Variants in PNPLA7 observed in about 807,000 individuals in gnomAD.
The protein encoded by PNPLA7 is patatin like domain 7, lysophospholipase, also known as patatin-like phospholipase domain-containing protein 7.
PNPLA7 carries 153 observed loss-of-function variants against 161.7 expected under a neutral mutation model. That is an observed-to-expected ratio of 0.95 (90% confidence interval 0.83 to 1.08). The LOEUF is 1.08. Ranked by LOEUF, PNPLA7 falls within the 50% of genes least tolerant of loss-of-function variation. The pLI is 0.00. For synonymous variants in PNPLA7, 809 were observed against 782.1 expected (o/e 1.03, Z -0.57); for missense variants, 1,739 against 1,856.6 (o/e 0.94, Z 1.16).
intron 30 of PNPLA7, 34 bp from the exon 31 acceptor site, chr9:137,462,365 C>G: frequency 6.4e-7 from 1 of 1,569,494 alleles, no homozygotes; most frequent in Non-Finnish European, 8.7e-7. Flanking sequence ...GTCTCCTGCC[C>G]CGGCCCCTAC....
chr9:137,478,996 G>A (rs371203974), intron 24 of PNPLA7, 60 bp downstream of exon 24: 170 of 1,469,616 alleles, frequency 1.2e-4, no homozygotes, highest in East Asian at 4.8e-4. Context: ...AGAATGCTTC[G>A]AACGTTCGAG....
In PNPLA7 at chr9:137,540,287, G is replaced by A. The variant is rs1836123976; in HGVS notation, c.747+355C>T. Among the ~76,000 whole-genome samples the A allele has an allele frequency of 1.3e-5, 2 of 152,342 alleles. No homozygotes were observed. Among genetic ancestry groups the A allele is most frequent in the South Asian group, 4.1e-4 (2 of 4,830 alleles). On this transcript the variant is annotated intron_variant, in intron 8 of 34. Transcript: ENST00000406427. The surrounding 1 kb of genome is among the most constrained non-coding windows in gnomAD (Gnocchi z 5.1). ...CCAGCAGGACCTGCAGGAAACGGGG[G>A]TGGCTGGTCCCTCGGGAGGGCCTTG...
chr9:137,514,539 G>A (rs529993067), intron 12 of PNPLA7, among the ~76,000 whole-genome samples: 46 of 143,822 alleles, frequency 3.2e-4, no homozygotes, highest in Admixed American at 2.4e-3. Flanking sequence ...GGCTGCGGGC[G>A]GGTCACCCGG....
At chr9:137,488,367 G>C (rs987391114) in intron 20 of PNPLA7, among the ~76,000 whole-genome samples, 1 of 152,232 alleles carries the variant, frequency 6.6e-6, no homozygotes. Context: ...GGCGGAATGG[G>C]GGAGGCCATT....
intron 20 of PNPLA7, chr9:137,491,697 G>A (rs1588587909): frequency 4.1e-6 from 4 of 985,442 alleles, no homozygotes; most frequent in Non-Finnish European, 4.8e-6. Context: ...CTCACACTTC[G>A]CTGCCTCTGT....
chr9:137,531,422 C>G (rs1835575394), intron 8 of PNPLA7, among the ~76,000 whole-genome samples: 2 of 152,248 alleles, frequency 1.3e-5, no homozygotes, highest in Non-Finnish European at 2.9e-5. Flanking sequence ...CACCCCAGAT[C>G]AGGAAGCTGT....
chr9:137,539,041 G>A (rs1836045087), intron 8 of PNPLA7, among the ~76,000 whole-genome samples: 1 of 152,054 alleles, frequency 6.6e-6, no homozygotes, highest in Non-Finnish European at 1.5e-5. Flanking sequence ...AACAGAGCAA[G>A]ACCCTGTCTC....
At chr9:137,494,310 C>T (rs1010036310) in intron 19 of PNPLA7, among the ~76,000 whole-genome samples, 1 of 152,138 alleles carries the variant, frequency 6.6e-6, no homozygotes, top group African/African-American at 2.4e-5. Flanking sequence ...CTCTGCCACA[C>T]CCACATCACT....
chr9:137,464,254 G>A (rs1831361100), intron 27 of PNPLA7, 59 bp from the exon 28 acceptor site: 1 of 1,609,694 alleles, frequency 6.2e-7, no homozygotes, highest in Admixed American at 1.7e-5. Flanking sequence ...CCTGTGTCTG[G>A]GGAGGCTGAC....
rs374698363 is a variant in PNPLA7 at position 137,497,526 on chromosome 9, AATT to A, written c.1890-219_1890-217del. Among the ~76,000 whole-genome samples the A allele has an allele frequency of 4.1e-4, 63 of 152,298 alleles. No individual in the cohort carries two copies. In the East Asian group the frequency reaches 0.012, roughly 29 times the overall value. ...AATATTCTAAAATTGTCTTGGTTTT[AATT>A]ATTATTATTATTTTTTGAGACGGAG... On this transcript the variant is annotated intron_variant, in intron 17 of 34. Transcript: ENST00000406427.
At chr9:137,474,665 G>T (rs1387704879) in intron 25 of PNPLA7, among the ~76,000 whole-genome samples, 1 of 152,006 alleles carries the variant, frequency 6.6e-6, no homozygotes, top group African/African-American at 2.4e-5. Context: ...ATAGGGGAGA[G>T]AAAAGACTAA....
In PNPLA7 at chr9:137,499,951, C is replaced by T. The variant is rs969201390; in HGVS notation, c.1757+740G>A. Among the ~76,000 whole-genome samples the T allele has an allele frequency of 6.6e-6, 1 of 152,232 alleles. No homozygotes were observed. The highest frequency in any genetic ancestry group is 1.5e-5 in the Non-Finnish European group (1 of 68,046). ...GAAAACACACACAGAACGGCTCAAG[C>T]CACCAGAGGCGAGAGCTGGGGTTAA... On this transcript the variant is annotated intron_variant, in intron 16 of 34. Coordinates refer to ENST00000406427, the MANE Select transcript of PNPLA7 (RefSeq NM_001098537.3). The surrounding 1 kb of genome is among the most constrained non-coding windows in gnomAD (Gnocchi z 5.5).
At chr9:137,511,754 T>C (rs1411456101) in intron 12 of PNPLA7, among the ~76,000 whole-genome samples, 1 of 152,248 alleles carries the variant, frequency 6.6e-6, no homozygotes, top group African/African-American at 2.4e-5. Flanking sequence ...ATTCCGCCTG[T>C]ACACCTGCTG....
intron 28 of PNPLA7, 55 bp from the exon 29 acceptor site, chr9:137,463,586 A>G: frequency 7.5e-7 from 1 of 1,340,480 alleles, no homozygotes; most frequent in South Asian, 1.3e-5. Flanking sequence ...TCCTGGGTCC[A>G]GGGTTCAGGG....
intron 8 of PNPLA7, among the ~76,000 whole-genome samples, chr9:137,539,551 G>A (rs778026773): frequency 3.9e-5 from 6 of 151,992 alleles, no homozygotes; most frequent in Non-Finnish European, 8.8e-5. Flanking sequence ...GGTGGTGCAC[G>A]CCTGCTACTT....
rs1427964511 is a variant in PNPLA7 at position 137,464,320 on chromosome 9, T to A, written c.3156+20A>T. ...GACAGGCACTGGGGGCTGCATGGGC[T>A]CCTGAGGGTGGGGGTGCACCTCGAT... On this transcript the variant is annotated intron_variant, in intron 27 of 34. Coordinates refer to ENST00000406427, the MANE Select transcript of PNPLA7 (RefSeq NM_001098537.3). 2 of 1,610,238 alleles carry A rather than the reference T, an allele frequency of 1.2e-6. No individual in the cohort carries two copies. Among genetic ancestry groups the A allele is most frequent in the Admixed American group, 1.7e-5 (1 of 60,004 alleles).
chr9:137,461,627 G>C lies in PNPLA7; in HGVS notation c.3757-7C>G. On this transcript the variant is annotated splice_region_variant and splice_polypyrimidine_tract_variant and intron_variant, in intron 32 of 34. Coordinates refer to ENST00000406427, the MANE Select transcript of PNPLA7 (RefSeq NM_001098537.3). ...CGTTGGGACAGGTGAGGACCTAGGG[G>C]TGGGGTGAGGACAGCACGTTGCCTG... is the stretch of plus-strand genomic sequence containing the variant. 6.2e-7 allele frequency: 1 copy of C among 1,608,004 alleles called. No individual in the cohort carries two copies. Among genetic ancestry groups the C allele is most frequent in the Non-Finnish European group, 8.5e-7 (1 of 1,176,772 alleles).
intron 1 of PNPLA7, among the ~76,000 whole-genome samples, chr9:137,549,343 G>A (rs146859050): frequency 0.011 from 1,704 of 152,098 alleles, 28 homozygotes; most frequent in South Asian, 0.046. Flanking sequence ...CAAGGCGGGC[G>A]GATCACGAGG....
intron 31 of PNPLA7, 48 bp from the exon 32 acceptor site, chr9:137,462,089 C>G (rs1260999830): frequency 9.2e-6 from 14 of 1,524,720 alleles, no homozygotes; most frequent in Middle Eastern, 3.5e-4. Flanking sequence ...GAGCCCCCCA[C>G]TTCCTGTGTT....
Sources: gnomAD v4.1 joint callset for allele counts (sites outside exome capture counted in the v4.1 genomes callset) on GRCh38, gnomAD v4.1.1 for gene constraint, Gnocchi (gnomAD v3.1) non-coding constraint, MANE v1.5 for transcripts, NCBI Gene and HGNC (gene_info 2026-07-23, HGNC 2026-07-21) for gene names.